Variants in CCSER1 observed in about 807,000 individuals in gnomAD.
The protein encoded by CCSER1 is coiled-coil serine rich protein 1, also known as serine-rich coiled-coil domain-containing protein 1.
A neutral mutation model predicts 82.0 loss-of-function variants in CCSER1; 41 were observed. That is an observed-to-expected ratio of 0.50 (90% CI 0.39 to 0.65). The LOEUF is 0.65. Ranked by LOEUF, CCSER1 falls within the 30% of genes least tolerant of loss-of-function variation. CCSER1 has a pLI of 0.00. For missense variants in CCSER1, 1,119 were observed against 1,064.2 expected, an observed-to-expected ratio of 1.05 and a Z score of -0.72; for synonymous variants, 414 against 383.9, an observed-to-expected ratio of 1.08 and a Z score of -0.92.
intron 8 of CCSER1, among the ~76,000 whole-genome samples, chr4:90,902,800 T>A (rs571134830): frequency 6.6e-6 from 1 of 152,100 alleles, no homozygotes; most frequent in Admixed American, 6.6e-5. Context: ...TGCCCTCAAG[T>A]AGGTTGATGA....
chr4:91,543,418 A>G (rs1046246273), intron 10 of CCSER1, among the ~76,000 whole-genome samples: 2 of 152,136 alleles, frequency 1.3e-5, no homozygotes, highest in Admixed American at 1.3e-4. Flanking sequence ...ACAATTTAGC[A>G]TGTTTTTGCA....
At chr4:91,372,671 T>A (rs1376432307) in intron 10 of CCSER1, among the ~76,000 whole-genome samples, 3 of 152,142 alleles carry the variant, frequency 2.0e-5, no homozygotes, top group Non-Finnish European at 4.4e-5. Flanking sequence ...TAATAACATT[T>A]GAAAACTACT....
intron 5 of CCSER1, among the ~76,000 whole-genome samples, chr4:90,513,900 G>A (rs369897571): frequency 3.9e-4 from 59 of 152,224 alleles, no homozygotes; most frequent in African/African-American, 1.3e-3. Context: ...GAGGTAGGAG[G>A]CAGAATAATC....
chr4:90,930,910 T>TTATATATATATATATATATA (rs70963098), intron 9 of CCSER1, among the ~76,000 whole-genome samples: 2 of 109,642 alleles, frequency 1.8e-5, no homozygotes, highest in Non-Finnish European at 3.9e-5. Flanking sequence ...TATCCTTATT[T>TTATATATATATATATATATA]TATATATATA....
intron 7 of CCSER1, among the ~76,000 whole-genome samples, chr4:90,800,647 T>G (rs1300627265): frequency 6.6e-6 from 1 of 152,206 alleles, no homozygotes; most frequent in Non-Finnish European, 1.5e-5. Flanking sequence ...TGACTGTTTC[T>G]GTTAAGAAGC....
chr4:90,697,037 T>A (rs1737109635), intron 6 of CCSER1, among the ~76,000 whole-genome samples: 1 of 152,082 alleles, frequency 6.6e-6, no homozygotes, highest in African/African-American at 2.4e-5. Context: ...CATTCTGGGA[T>A]GAGATAAGAG....
chr4:90,229,756 A>G (rs1420395846), intron 1 of CCSER1, among the ~76,000 whole-genome samples: 2 of 152,232 alleles, frequency 1.3e-5, no homozygotes, highest in Non-Finnish European at 2.9e-5. Flanking sequence ...CGTAGGCTCA[A>G]AATAAAAGGA....
At chr4:90,426,907 C>T (rs1757599543) in intron 4 of CCSER1, among the ~76,000 whole-genome samples, 1 of 151,914 alleles carries the variant, frequency 6.6e-6, no homozygotes, top group South Asian at 2.1e-4. Context: ...ACCATTTTCT[C>T]AATGAAAATA....
chr4:90,547,772 G>A (rs1486256498), intron 5 of CCSER1, among the ~76,000 whole-genome samples: 1 of 152,038 alleles, frequency 6.6e-6, no homozygotes, highest in Non-Finnish European at 1.5e-5. Flanking sequence ...TGACTTGCTA[G>A]ACATAAGATA....
intron 3 of CCSER1, among the ~76,000 whole-genome samples, chr4:90,326,013 G>A (rs935947126): frequency 4.0e-5 from 6 of 148,300 alleles, no homozygotes; most frequent in East Asian, 2.0e-4. Context: ...TAATTTACAA[G>A]TGAATCTGCA....
chr4:91,501,120 A>G (rs1406068917), intron 10 of CCSER1, among the ~76,000 whole-genome samples: 1 of 151,820 alleles, frequency 6.6e-6, no homozygotes, highest in Non-Finnish European at 1.5e-5. Context: ...TATTATATTA[A>G]TCAATTTTTA....
chr4:90,335,327 C>T (rs967864616), intron 3 of CCSER1, among the ~76,000 whole-genome samples: 15 of 152,042 alleles, frequency 9.9e-5, no homozygotes, highest in East Asian at 1.9e-4. Context: ...CCAATTCATG[C>T]GTAAAGTGAA....
intron 4 of CCSER1, among the ~76,000 whole-genome samples, chr4:90,447,212 A>G (rs1314693282): frequency 6.6e-6 from 1 of 152,020 alleles, no homozygotes; most frequent in Non-Finnish European, 1.5e-5. Context: ...CCTTTTTTGT[A>G]TTTATTTAAT....
chr4:91,581,915 C>A lies in CCSER1; in HGVS notation c.2218-16657C>A, dbSNP rs75300476. Among the ~76,000 whole-genome samples the A allele has an allele frequency of 1.5e-3, 221 of 151,638 alleles. 4 individuals carry two copies. The East Asian group carries it at 0.039, about 27-fold the overall frequency. ...GAGGCAACTTTGCCCTAGTTGAGAACCACTGATTTACCGTATTAATTATTT... is the reference window on the plus strand; with the variant it reads ...GAGGCAACTTTGCCCTAGTTGAGAAACACTGATTTACCGTATTAATTATTT... On this transcript the variant is annotated intron_variant, in intron 10 of 10. Transcript: ENST00000509176.
intron 3 of CCSER1, among the ~76,000 whole-genome samples, chr4:90,392,764 T>C (rs1379253460): frequency 6.6e-6 from 1 of 152,162 alleles, no homozygotes; most frequent in African/African-American, 2.4e-5. Context: ...CTCAAAACCA[T>C]AAGGTAAATC....
chr4:90,652,426 G>A (rs532262366), intron 6 of CCSER1, among the ~76,000 whole-genome samples: 1 of 152,182 alleles, frequency 6.6e-6, no homozygotes, highest in Non-Finnish European at 1.5e-5. Context: ...ATAATGGGCT[G>A]TTACTTTTGA....
intron 4 of CCSER1, among the ~76,000 whole-genome samples, chr4:90,433,456 C>T (rs542859611): frequency 1.3e-5 from 2 of 152,108 alleles, no homozygotes; most frequent in South Asian, 2.1e-4. Context: ...TCTTAAGAGT[C>T]CCCAAGACCA....
intron 5 of CCSER1, among the ~76,000 whole-genome samples, chr4:90,480,869 T>A (rs1181788121): frequency 6.6e-6 from 1 of 152,188 alleles, no homozygotes; most frequent in Non-Finnish European, 1.5e-5. Context: ...GGGCTCTTTT[T>A]TGGTTCCATA....
At chr4:90,222,967 G>A (rs531598548) in intron 1 of CCSER1, among the ~76,000 whole-genome samples, 38 of 152,172 alleles carry the variant, frequency 2.5e-4, no homozygotes, top group Admixed American at 7.2e-4. Flanking sequence ...TTATTTGTAT[G>A]TATATATGTG....
Sources: allele counts gnomAD v4.1 joint callset (sites outside exome capture counted in the v4.1 genomes callset), GRCh38; gene constraint gnomAD v4.1.1; transcripts MANE v1.5; gene names NCBI Gene and HGNC (gene_info 2026-07-23, HGNC 2026-07-21).